Variants in ASTN2 observed in about 807,000 individuals in gnomAD.
ASTN2 encodes astrotactin 2, also known as astrotactin-2.
ASTN2 carries 54 observed loss-of-function variants against 139.8 expected under a neutral mutation model. That is an observed-to-expected ratio of 0.39 (90% CI 0.31 to 0.48). The LOEUF (loss-of-function observed/expected upper bound fraction) is 0.48, where lower values mean the gene tolerates loss of function less well. Among genes scored for constraint, ASTN2 ranks in the 20% least tolerant of loss-of-function variants. ASTN2 has a pLI of 0.95. For synonymous variants in ASTN2, 756 were observed against 719.5 expected (o/e 1.05, Z -0.81); for missense variants, 1,565 against 1,725.1 (o/e 0.91, Z 1.64).
At chr9:117,217,155 A>T (rs1724639108) in intron 2 of ASTN2, among the ~76,000 whole-genome samples, 1 of 152,172 alleles carries the variant, frequency 6.6e-6, no homozygotes, top group African/African-American at 2.4e-5. Context: ...AGGGTGCATG[A>T]AAAGGGAAAA....
chr9:116,874,386 C>T (rs1439625547), intron 10 of ASTN2, among the ~76,000 whole-genome samples: 1 of 152,140 alleles, frequency 6.6e-6, no homozygotes, highest in African/African-American at 2.4e-5. Flanking sequence ...CCTCCTCGGT[C>T]ACATCCCTTA....
chr9:116,734,989 T>A (rs1477561639), intron 13 of ASTN2, among the ~76,000 whole-genome samples: 1 of 152,254 alleles, frequency 6.6e-6, no homozygotes, highest in East Asian at 1.9e-4. Context: ...TCTAGCTAAA[T>A]ACTTTACATA....
intron 10 of ASTN2, among the ~76,000 whole-genome samples, chr9:116,969,581 G>A (rs1363876737): frequency 6.6e-6 from 1 of 152,158 alleles, no homozygotes; most frequent in African/African-American, 2.4e-5. Context: ...GAGAAACACA[G>A]AGATGAGGGA....
At chr9:117,261,798 A>T (rs967812489) in intron 2 of ASTN2, among the ~76,000 whole-genome samples, 2 of 152,114 alleles carry the variant, frequency 1.3e-5, no homozygotes, top group East Asian at 1.9e-4. Flanking sequence ...AGGAGGGGAA[A>T]TATTCAGTTA....
chr9:116,910,364 G>A (rs114541351), intron 10 of ASTN2, among the ~76,000 whole-genome samples: 6,836 of 152,172 alleles, frequency 0.045, 318 homozygotes, highest in African/African-American at 0.12. Context: ...ACTGTCCCAC[G>A]CGTGATAGGA....
Position 117,325,708 on chromosome 9 carries a change from C to G in ASTN2, c.443-34195G>C, listed in dbSNP as rs142499777. ...GTCAAGATAATGCCACTTTCCCTCA[C>G]GCCCTCCCAGACAAATAACTGGGCA... On this transcript the variant is annotated intron_variant, in intron 1 of 22. Transcript: ENST00000313400. Among the ~76,000 whole-genome samples, 14 of 152,126 alleles carry G rather than the reference C, an allele frequency of 9.2e-5. 1 individual carries two copies.
At chr9:117,390,665 T>A (rs1830517260) in intron 1 of ASTN2, among the ~76,000 whole-genome samples, 1 of 152,230 alleles carries the variant, frequency 6.6e-6, no homozygotes, top group South Asian at 2.1e-4. Flanking sequence ...GTCTTTTTGC[T>A]GCTTGATATT....
chr9:117,298,635 T>C (rs1013056589), intron 1 of ASTN2, among the ~76,000 whole-genome samples: 2 of 150,270 alleles, frequency 1.3e-5, no homozygotes, highest in African/African-American at 4.9e-5. Context: ...AGTATCCTCT[T>C]TTACTACTGT....
intron 19 of ASTN2, among the ~76,000 whole-genome samples, chr9:116,592,581 G>C (rs1854420479): frequency 6.6e-6 from 1 of 152,106 alleles, no homozygotes; most frequent in South Asian, 2.1e-4. Flanking sequence ...GCAAATTCAA[G>C]TTTTGCTTTT....
At chr9:117,219,587 T>G (rs1394951809) in intron 2 of ASTN2, among the ~76,000 whole-genome samples, 7 of 152,198 alleles carry the variant, frequency 4.6e-5, no homozygotes. Context: ...AGGAAGTCAC[T>G]GCAAGTTCTA....
At chr9:117,289,372 T>C (rs764420045) in intron 2 of ASTN2, among the ~76,000 whole-genome samples, 12 of 152,118 alleles carry the variant, frequency 7.9e-5, no homozygotes, top group Non-Finnish European at 1.5e-4. Flanking sequence ...TCTTAGTGAG[T>C]TATTATTTCG....
intron 20 of ASTN2, among the ~76,000 whole-genome samples, chr9:116,445,305 A>G (rs968173613): frequency 6.6e-6 from 1 of 152,206 alleles, no homozygotes; most frequent in African/African-American, 2.4e-5. Flanking sequence ...GGCTTGTAAG[A>G]AGAGGATTTT....
chr9:116,963,772 T>C (rs1888286), intron 10 of ASTN2, among the ~76,000 whole-genome samples: 55,749 of 151,932 alleles, frequency 0.37, 11,224 homozygotes, highest in African/African-American at 0.53. Flanking sequence ...TCGATGGGCT[T>C]TTGTAGTTGG....
At chr9:117,072,159 G>A (rs1404058599) in intron 5 of ASTN2, among the ~76,000 whole-genome samples, 1 of 152,056 alleles carries the variant, frequency 6.6e-6, no homozygotes, top group African/African-American at 2.4e-5. Context: ...AGAATTATGG[G>A]GCCTCCTACA....
At chr9:116,556,246 T>C (rs1014249138) in intron 19 of ASTN2, among the ~76,000 whole-genome samples, 2 of 152,196 alleles carry the variant, frequency 1.3e-5, no homozygotes, top group African/African-American at 2.4e-5. Flanking sequence ...GAAAATTTTA[T>C]TTATACTTCT....
At chr9:117,116,049 T>TATATATATATATATATATATATATAA (rs1829381140) in intron 4 of ASTN2, among the ~76,000 whole-genome samples, 2 of 150,992 alleles carry the variant, frequency 1.3e-5, no homozygotes, top group African/African-American at 4.9e-5. Flanking sequence ...TATATATATA[T>TATATATATATATATATATATATATAA]ATATTGCTCC....
At chr9:116,822,207 T>TC (rs1831505792) in intron 11 of ASTN2, among the ~76,000 whole-genome samples, 2 of 150,964 alleles carry the variant, frequency 1.3e-5, no homozygotes, top group African/African-American at 4.9e-5. Flanking sequence ...AAAAAAAAGG[T>TC]CAGCCCTCTT....
At chr9:116,816,905 A>AAAT (rs1342591881) in intron 12 of ASTN2, among the ~76,000 whole-genome samples, 1 of 151,526 alleles carries the variant, frequency 6.6e-6, no homozygotes, top group African/African-American at 2.4e-5. Context: ...GAAAATAAAT[A>AAAT]AATAAATAAA....
chr9:116,905,577 G>C (rs866585010), intron 10 of ASTN2, among the ~76,000 whole-genome samples: 1 of 152,100 alleles, frequency 6.6e-6, no homozygotes, highest in East Asian at 1.9e-4. Flanking sequence ...AGATGGGCCC[G>C]CCCCTCACAT....
Sources: gnomAD v4.1 joint callset for allele counts (sites outside exome capture counted in the v4.1 genomes callset) on GRCh38, gnomAD v4.1.1 for gene constraint, MANE v1.5 for transcripts, NCBI Gene and HGNC (gene_info 2026-07-23, HGNC 2026-07-21) for gene names.